CTNNA3: variants seen among roughly 807,000 people sequenced by gnomAD.
CTNNA3 encodes catenin alpha-3.
A neutral mutation model predicts 95.7 loss-of-function variants in CTNNA3; 76 were observed. The observed-to-expected ratio is 0.79, with a 90% CI of 0.66 to 0.96. The LOEUF is 0.96. Ranked by LOEUF, CTNNA3 falls within the 40% of genes least tolerant of loss-of-function variation. CTNNA3 has a pLI of 0.00. For missense variants in CTNNA3, 1,191 were observed against 1,089.8 expected, an observed-to-expected ratio of 1.09 and a Z score of -1.31; for synonymous variants, 431 against 374.4, an observed-to-expected ratio of 1.15 and a Z score of -1.74.
chr10:66,668,606 A>C (rs1846545890), intron 9 of CTNNA3, among the ~76,000 whole-genome samples: 1 of 152,046 alleles, frequency 6.6e-6, no homozygotes, highest in Non-Finnish European at 1.5e-5. Context: ...TGAGGCCAGA[A>C]GTTTGAGACC....
At chr10:67,273,934 G>A (rs867804308) in intron 5 of CTNNA3, among the ~76,000 whole-genome samples, 14 of 152,132 alleles carry the variant, frequency 9.2e-5, no homozygotes, top group Admixed American at 2.6e-4. Context: ...TCACAAGAGG[G>A]ATAAAGGAAC....
At chr10:66,381,999 G>C (rs1395477210) in intron 11 of CTNNA3, among the ~76,000 whole-genome samples, 1 of 152,166 alleles carries the variant, frequency 6.6e-6, no homozygotes, top group East Asian at 1.9e-4. Context: ...CCGGTCTGCA[G>C]CTCCCAGTGT....
At chr10:66,532,401 G>T (rs1841500046) in intron 10 of CTNNA3, among the ~76,000 whole-genome samples, 1 of 151,766 alleles carries the variant, frequency 6.6e-6, no homozygotes, top group East Asian at 1.9e-4. Flanking sequence ...GGCGGAGCTT[G>T]CAGTGAGCTG....
At chr10:66,176,955 A>G (rs1052951301) in intron 13 of CTNNA3, among the ~76,000 whole-genome samples, 1 of 150,954 alleles carries the variant, frequency 6.6e-6, no homozygotes, top group African/African-American at 2.4e-5. Flanking sequence ...ATAGTTTCTT[A>G]AGGGAAAAAA....
At chr10:65,941,526 T>C (rs949975016) in intron 17 of CTNNA3, among the ~76,000 whole-genome samples, 2 of 152,098 alleles carry the variant, frequency 1.3e-5, no homozygotes, top group African/African-American at 2.4e-5. Context: ...GTCTGCATTT[T>C]CCCCCCAGGC....
chr10:67,275,869 G>C (rs1238900217), intron 5 of CTNNA3, among the ~76,000 whole-genome samples: 1 of 151,994 alleles, frequency 6.6e-6, no homozygotes, highest in East Asian at 1.9e-4. Flanking sequence ...ATTATCTTCT[G>C]ATTTTTTCCA....
chr10:66,654,733 A>G (rs1054146106), intron 9 of CTNNA3, among the ~76,000 whole-genome samples: 2 of 152,126 alleles, frequency 1.3e-5, no homozygotes, highest in African/African-American at 2.4e-5. Flanking sequence ...GAATGGCTAA[A>G]GAAAATATGG....
chr10:66,473,288 T>C (rs917018676), intron 11 of CTNNA3, among the ~76,000 whole-genome samples: 6 of 151,860 alleles, frequency 4.0e-5, no homozygotes, highest in Non-Finnish European at 7.4e-5. Flanking sequence ...AGTTCTCCCA[T>C]GCTGTTCTTG....
chr10:67,739,851 T>C lies in CTNNA3; in HGVS notation c.-2+23583A>G, dbSNP rs1361058703. Among the ~76,000 whole-genome samples, 7 of 152,220 alleles carry C rather than the reference T, an allele frequency of 4.6e-5. No individual in the cohort carries two copies. In the East Asian group the frequency reaches 1.4e-3, roughly 29 times the overall value. ...CCAAAAAAGAGGCCGCATCGCCAAGTCAATCCTAAGCCAAAAGAACAAAGC... is the reference window on the plus strand; with the variant it reads ...CCAAAAAAGAGGCCGCATCGCCAAGCCAATCCTAAGCCAAAAGAACAAAGC... On this transcript the variant is annotated intron_variant, in intron 1 of 17. Coordinates refer to the CTNNA3 transcript ENST00000684154.
intron 9 of CTNNA3, among the ~76,000 whole-genome samples, chr10:66,672,082 G>A (rs983688005): frequency 6.6e-6 from 1 of 152,114 alleles, no homozygotes; most frequent in Non-Finnish European, 1.5e-5. Flanking sequence ...CTGTAGTCAA[G>A]TCAGCTGATC....
At chr10:66,725,321 A>T (rs1282915915) in intron 9 of CTNNA3, among the ~76,000 whole-genome samples, 1 of 152,120 alleles carries the variant, frequency 6.6e-6, no homozygotes, top group African/African-American at 2.4e-5. Context: ...ATCTAGCACT[A>T]ATATGCTTTA....
intron 7 of CTNNA3, among the ~76,000 whole-genome samples, chr10:66,787,991 T>C (rs1482506268): frequency 6.6e-6 from 1 of 152,174 alleles, no homozygotes; most frequent in African/African-American, 2.4e-5. Flanking sequence ...CCAAAGCTGT[T>C]ACTACCACTA....
At position 66,458,826 on chromosome 10, in the gene CTNNA3, G is replaced by A. The variant is rs752509996; in HGVS notation, c.1531+61791C>T. Among the ~76,000 whole-genome samples the A allele has an allele frequency of 3.3e-5, 5 of 152,042 alleles. 1 individual carries two copies. The highest frequency in any genetic ancestry group is 2.1e-4 in the South Asian group (1 of 4,832). On this transcript the variant is annotated intron_variant, in intron 11 of 17. Coordinates refer to ENST00000433211, the MANE Select transcript of CTNNA3 (RefSeq NM_013266.4). ...CATATTTTGTTTAACCATTCATCCC[G>A]TGAAGAGCATTTGGGCGGTGATAAT...
At chr10:67,500,538 C>T (rs1839195414) in intron 5 of CTNNA3, among the ~76,000 whole-genome samples, 1 of 152,060 alleles carries the variant, frequency 6.6e-6, no homozygotes, top group African/African-American at 2.4e-5. Context: ...TTAAAGTCTC[C>T]CACTATTATT....
intron 7 of CTNNA3, among the ~76,000 whole-genome samples, chr10:67,145,544 C>T (rs1860799807): frequency 1.3e-5 from 2 of 151,702 alleles, no homozygotes; most frequent in South Asian, 4.2e-4. Flanking sequence ...GACTCTTCTG[C>T]CTCAGCCTCC....
chr10:67,743,264 C>G lies in CTNNA3; in HGVS notation c.-2+20170G>C, dbSNP rs964859999. Among the ~76,000 whole-genome samples the G allele has an allele frequency of 1.1e-4, 16 of 151,244 alleles. No individual in the cohort carries two copies. In the East Asian group the frequency reaches 2.7e-3, roughly 25 times the overall value. Reference sequence around the variant, plus strand: ...GCAAAAATCCTCAATAAAATACTGGCAAACCAAATCCAGCAGCACATCAAA... The same window carrying G: ...GCAAAAATCCTCAATAAAATACTGGGAAACCAAATCCAGCAGCACATCAAA... On this transcript the variant is annotated intron_variant, in intron 1 of 17. Coordinates refer to the CTNNA3 transcript ENST00000684154.
chr10:67,462,299 C>A (rs1183577408), intron 5 of CTNNA3, among the ~76,000 whole-genome samples: 1 of 152,188 alleles, frequency 6.6e-6, no homozygotes. Flanking sequence ...TAAGTCAGCA[C>A]CTTGTTACTA....
intron 11 of CTNNA3, among the ~76,000 whole-genome samples, chr10:66,415,868 A>G (rs2093141875): frequency 6.6e-6 from 1 of 152,200 alleles, no homozygotes; most frequent in South Asian, 2.1e-4. Context: ...AAGCAAATTG[A>G]AAAAGTTAGA....
intron 7 of CTNNA3, among the ~76,000 whole-genome samples, chr10:66,962,590 T>A (rs2132779798): frequency 6.6e-6 from 1 of 152,042 alleles, no homozygotes; most frequent in Non-Finnish European, 1.5e-5. Context: ...TTTTTCTATT[T>A]TTAGTAGAGA....
Sources: allele counts gnomAD v4.1 joint callset (sites outside exome capture counted in the v4.1 genomes callset), GRCh38; gene constraint gnomAD v4.1.1; transcripts MANE v1.5; gene names NCBI Gene and HGNC (gene_info 2026-07-23, HGNC 2026-07-21).